Variants in WDR26 observed in about 807,000 individuals in gnomAD.
WDR26 encodes WD repeat-containing protein 26.
In WDR26, 5 loss-of-function variants were observed where a neutral mutation model predicts 84.1. The observed-to-expected ratio is 0.06, with a 90% confidence interval of 0.03 to 0.13. The LOEUF (loss-of-function observed/expected upper bound fraction) is 0.13. Ranked by LOEUF, WDR26 falls within the 10% of genes least tolerant of loss-of-function variation. The pLI, the probability that WDR26 is intolerant of heterozygous loss-of-function variation, is 1.00. For missense variants in WDR26, 642 were observed against 974.9 expected, an observed-to-expected ratio of 0.66 and a Z score of 4.55; for synonymous variants, 415 against 389.6, an observed-to-expected ratio of 1.07 and a Z score of -0.77.
chr1:224,419,751 TTAATA>T (rs1184383332), intron 4 of WDR26, 136 bp from the exon 5 acceptor site: 15 of 641,902 alleles, frequency 2.3e-5, no homozygotes, highest in South Asian at 1.1e-4. Flanking sequence ...ACTCAATTCA[TTAATA>T]TAATATGGCA....
At chr1:224,420,819 T>C (rs918350368) in intron 4 of WDR26, among the ~76,000 whole-genome samples, 5 of 152,134 alleles carry the variant, frequency 3.3e-5, no homozygotes, top group South Asian at 4.1e-4. Flanking sequence ...AGGATGGTCT[T>C]GATCTCCTGA....
At chr1:224,427,289 A>T (rs1016508004) in intron 3 of WDR26, among the ~76,000 whole-genome samples, 1 of 151,898 alleles carries the variant, frequency 6.6e-6, no homozygotes, top group Non-Finnish European at 1.5e-5. Context: ...TTAAAAAAAA[A>T]TTTCAGGGCA....
chr1:224,401,370 T>A (rs1673408706), intron 8 of WDR26, among the ~76,000 whole-genome samples: 1 of 152,116 alleles, frequency 6.6e-6, no homozygotes, highest in Non-Finnish European at 1.5e-5. Context: ...AAACATGTAA[T>A]TTTTCCCAAG....
chr1:224,402,300 G>C (rs180911460), intron 8 of WDR26, among the ~76,000 whole-genome samples: 1 of 152,210 alleles, frequency 6.6e-6, no homozygotes, highest in Admixed American at 6.5e-5. Context: ...TTACTCTTTT[G>C]GGTTGACTGA....
chr1:224,423,852 T>G (rs2102918759), intron 4 of WDR26, among the ~76,000 whole-genome samples: 1 of 152,324 alleles, frequency 6.6e-6, no homozygotes, highest in East Asian at 1.9e-4. Flanking sequence ...TGTGAAGGCA[T>G]GGTATAGAAT....
rs779410378 is a variant in WDR26 at position 224,418,335 on chromosome 1, C to T, written c.1244G>A (p.Arg415Gln). Residue 415 changes from arginine (R) to glutamine (Q), a missense_variant, in exon 6 of 14, where the codon CGG becomes CAG. This residue lies in a region of WDR26 where 351 missense variants were observed against 672.8 expected (regional missense o/e 0.52). Transcript: ENST00000414423. ...AAGTTTGGTATTGTGATATAGGCAC[C>T]GATCCCTTTGTAGTTCCACCGCCTG... is the stretch of plus-strand genomic sequence containing the variant. The T allele has an allele frequency of 8.1e-6, 13 of 1,613,438 alleles. No individual in the cohort carries two copies. The East Asian group carries it at 1.1e-4, about 14-fold the overall frequency.
intron 3 of WDR26, among the ~76,000 whole-genome samples, chr1:224,427,175 T>TA (rs1340311900): frequency 6.6e-6 from 1 of 151,666 alleles, no homozygotes; most frequent in African/African-American, 2.4e-5. Flanking sequence ...TTGAAAATCT[T>TA]ATTCAGTTGC....
chr1:224,413,841 G>A (rs1428795483), intron 6 of WDR26, among the ~76,000 whole-genome samples: 3 of 152,080 alleles, frequency 2.0e-5, no homozygotes, highest in African/African-American at 7.2e-5. Flanking sequence ...ATGGAGTCTC[G>A]CTCTGTTGTT....
chr1:224,418,095 G>A (rs1320314527), intron 6 of WDR26, among the ~76,000 whole-genome samples, 165 bp downstream of exon 6: 3 of 152,190 alleles, frequency 2.0e-5, no homozygotes, highest in Non-Finnish European at 4.4e-5. Context: ...TAAACATACA[G>A]AAATTTCTCA....
chr1:224,389,564 G>T lies in WDR26; in HGVS notation c.*271C>A. 1 of 550,422 alleles carries T rather than the reference G, an allele frequency of 1.8e-6. No homozygotes were observed. Among genetic ancestry groups the T allele is most frequent in the Non-Finnish European group, 3.1e-6 (1 of 318,110 alleles). 34.1% of individuals were successfully genotyped at this position (550,422 alleles called of 1,614,324 possible). A position where few individuals can be genotyped will look rare whatever the true frequency, so the allele number is the denominator to read the frequency against. On this transcript the variant is annotated 3_prime_UTR_variant, in exon 14 of 14. Coordinates refer to ENST00000414423, the MANE Select transcript of WDR26 (RefSeq NM_001379403.1). ...AAAAATATATATACTGAGTTCAATG[G>T]GTAAGCCTGAATGTAGCACAGTTCT...
chr1:224,415,082 A>G (rs1016102497), intron 6 of WDR26, among the ~76,000 whole-genome samples: 1 of 152,240 alleles, frequency 6.6e-6, no homozygotes. Flanking sequence ...AATAAAGGGC[A>G]TAACTCACTC....
chr1:224,401,165 C>A, intron 8 of WDR26, 96 bp from the exon 9 acceptor site: 1 of 1,253,996 alleles, frequency 8.0e-7, no homozygotes. Flanking sequence ...TGGCTGGTTT[C>A]CCAGTTCATT....
chr1:224,420,561 G>A (rs1674030899), intron 4 of WDR26, among the ~76,000 whole-genome samples: 1 of 152,078 alleles, frequency 6.6e-6, no homozygotes, highest in Non-Finnish European at 1.5e-5. Context: ...CAGTTAACAT[G>A]AGTATCATCA....
chr1:224,404,775 T>C (rs1296093918), intron 7 of WDR26, among the ~76,000 whole-genome samples: 1 of 152,234 alleles, frequency 6.6e-6, no homozygotes, highest in African/African-American at 2.4e-5. Context: ...ATTAGGCATC[T>C]ACTATATACA....
intron 6 of WDR26, among the ~76,000 whole-genome samples, chr1:224,416,058 G>T (rs1460017855): frequency 6.6e-6 from 1 of 152,164 alleles, no homozygotes; most frequent in African/African-American, 2.4e-5. Context: ...AGTAGGCAAT[G>T]ATTTCAAGAA....
At chr1:224,412,172 G>C (rs577803805) in intron 6 of WDR26, among the ~76,000 whole-genome samples, 3 of 152,098 alleles carry the variant, frequency 2.0e-5, no homozygotes, top group African/African-American at 4.8e-5. Context: ...TAGAATTCTT[G>C]TAAGAATTAG....
At chr1:224,424,817 AG>A in intron 3 of WDR26, 163 bp from the exon 4 acceptor site, 1 of 786,366 alleles carries the variant, frequency 1.3e-6, no homozygotes, top group Non-Finnish European at 2.0e-6. Context: ...GTAGAGCCAC[AG>A]TAGATTAAAT....
chr1:224,401,695 A>AAAAAG lies in WDR26; in HGVS notation c.1600-627_1600-626insCTTTT, dbSNP rs1558421332. 5.0e-4 allele frequency among the ~76,000 whole-genome samples: 52 copies of AAAAAG among 104,088 alleles called. 1 individual carries two copies. The highest frequency in any genetic ancestry group is 1.4e-3 in the African/African-American group (38 of 26,604). 68.3% of individuals were successfully genotyped at this position (104,088 alleles called of 152,430 possible). On this transcript the variant is annotated intron_variant, in intron 8 of 13. Transcript: ENST00000414423. ...TCAAAAAAAAAAAAAAAAAAGAAAA[A>AAAAAG]AAAAAAGAAAAAAGAAAAAAAAAGA...
chr1:224,413,306 T>C (rs1024034634), intron 6 of WDR26: 1 of 1,243,896 alleles, frequency 8.0e-7, no homozygotes, highest in African/African-American at 1.6e-5. Flanking sequence ...CAATCAATAA[T>C]TTAGAATTAC....
Sources: gnomAD v4.1 joint callset for allele counts (sites outside exome capture counted in the v4.1 genomes callset) on GRCh38, gnomAD v4.1.1 for gene constraint, gnomAD v4.1.1 regional missense constraint, MANE v1.5 for transcripts, NCBI Gene and HGNC (gene_info 2026-07-23, HGNC 2026-07-21) for gene names.